The following LDB2 variants were observed in gnomAD, a reference collection of about 807,000 sequenced individuals.
LDB2 encodes LIM domain binding 2.
A neutral mutation model predicts 44.3 loss-of-function variants in LDB2; 12 were observed. The ratio of observed to expected loss-of-function variants is 0.27; its 90% CI spans 0.17 to 0.44. The LOEUF is 0.44. Ranked by LOEUF, LDB2 falls within the 20% of genes least tolerant of loss-of-function variation. The pLI is 1.00. For synonymous variants in LDB2, 164 were observed against 174.8 expected, an observed-to-expected ratio of 0.94 and a Z score of 0.49; for missense variants, 344 against 473.5, an observed-to-expected ratio of 0.73 and a Z score of 2.54.
chr4:16,737,652 G>A (rs756341877), intron 2 of LDB2, among the ~76,000 whole-genome samples: 1 of 152,120 alleles, frequency 6.6e-6, no homozygotes, highest in Non-Finnish European at 1.5e-5. Flanking sequence ...CAAAAAGGTG[G>A]TTGTTATATA....
At chr4:16,588,029 A>C (rs950393415) in intron 4 of LDB2, among the ~76,000 whole-genome samples, 2 of 152,180 alleles carry the variant, frequency 1.3e-5, no homozygotes, top group African/African-American at 4.8e-5. Context: ...TGGAAGCATC[A>C]TGTATTATAG....
Position 16,681,077 on chromosome 4 carries a change from C to T in LDB2, c.235+78081G>A, listed in dbSNP as rs147862007. On this transcript the variant is annotated intron_variant, in intron 2 of 7. Transcript: ENST00000304523. ...GATTTTACAGATGTAAATGAAATCC[C>T]AAATCAGCAGTCCTCAAAATATGGA... is the stretch of plus-strand genomic sequence containing the variant. Among the ~76,000 whole-genome samples the T allele has an allele frequency of 5.6e-4, 85 of 152,218 alleles. No homozygotes were observed. The East Asian group carries it at 0.016, about 28-fold the overall frequency.
chr4:16,858,598 G>C (rs1334205310), intron 1 of LDB2, among the ~76,000 whole-genome samples: 1 of 152,174 alleles, frequency 6.6e-6, no homozygotes, highest in Non-Finnish European at 1.5e-5. Flanking sequence ...GCTGGCACCA[G>C]ACCCGGTCCT....
intron 1 of LDB2, among the ~76,000 whole-genome samples, chr4:16,837,024 C>T: frequency 1.3e-5 from 2 of 152,256 alleles, no homozygotes; most frequent in Middle Eastern, 6.8e-3. Flanking sequence ...CTTCTGTTCC[C>T]AAAATGGTTG....
intron 2 of LDB2, among the ~76,000 whole-genome samples, chr4:16,747,731 C>T (rs1764675553): frequency 6.6e-6 from 1 of 152,026 alleles, no homozygotes; most frequent in African/African-American, 2.4e-5. Context: ...TTATCCTTTA[C>T]CTGAGAACCA....
chr4:16,819,977 CAG>C lies in LDB2; in HGVS notation c.133-60719_133-60718del, dbSNP rs1196901114. ...TTCTCCTCTCAAATCTAAAATAATG[CAG>C]ACTCTTTCCTGTGTAGTCAGCCAAC... On this transcript the variant is annotated intron_variant, in intron 1 of 7. Coordinates refer to ENST00000304523, the MANE Select transcript of LDB2 (RefSeq NM_001290.5). 3.3e-5 allele frequency among the ~76,000 whole-genome samples: 5 copies of C among 152,276 alleles called. No individual in the cohort carries two copies. The East Asian group carries it at 9.6e-4, about 29-fold the overall frequency.
At chr4:16,849,531 C>G (rs1390664063) in intron 1 of LDB2, among the ~76,000 whole-genome samples, 1 of 152,154 alleles carries the variant, frequency 6.6e-6, no homozygotes, top group Non-Finnish European at 1.5e-5. Flanking sequence ...AAGGCAATGT[C>G]TAAAGGGCCT....
At chr4:16,688,137 G>A (rs1190997364) in intron 2 of LDB2, among the ~76,000 whole-genome samples, 1 of 152,204 alleles carries the variant, frequency 6.6e-6, no homozygotes, top group Non-Finnish European at 1.5e-5. Context: ...TGAAAAACCT[G>A]TTGGACCTTA....
intron 2 of LDB2, among the ~76,000 whole-genome samples, chr4:16,670,561 A>G (rs1279789585): frequency 6.6e-6 from 1 of 152,232 alleles, no homozygotes; most frequent in Non-Finnish European, 1.5e-5. Context: ...AGAACTAGTT[A>G]TTAAATAAAT....
chr4:16,735,334 G>T (rs189308152), intron 2 of LDB2, among the ~76,000 whole-genome samples: 1 of 152,112 alleles, frequency 6.6e-6, no homozygotes, highest in East Asian at 1.9e-4. Context: ...CCCTGGGGCA[G>T]GCTGCGTTCT....
chr4:16,586,252 G>A (rs1393614044), intron 4 of LDB2, among the ~76,000 whole-genome samples: 1 of 152,108 alleles, frequency 6.6e-6, no homozygotes, highest in Non-Finnish European at 1.5e-5. Context: ...TCAGTCCTTG[G>A]GAGAAATGAT....
At chr4:16,856,785 G>A (rs1239046991) in intron 1 of LDB2, among the ~76,000 whole-genome samples, 2 of 152,070 alleles carry the variant, frequency 1.3e-5, no homozygotes, top group African/African-American at 4.8e-5. Context: ...AATACTATTG[G>A]TTTCTTTATT....
chr4:16,745,439 C>G (rs1216410114), intron 2 of LDB2, among the ~76,000 whole-genome samples: 1 of 152,174 alleles, frequency 6.6e-6, no homozygotes, highest in Non-Finnish European at 1.5e-5. Context: ...TGCGAATAAG[C>G]ATAAATCTTC....
At chr4:16,742,809 T>G (rs1289982258) in intron 2 of LDB2, among the ~76,000 whole-genome samples, 2 of 152,172 alleles carry the variant, frequency 1.3e-5, no homozygotes, top group African/African-American at 4.8e-5. Context: ...CATTCACCAT[T>G]TTCCCGAAAT....
intron 2 of LDB2, among the ~76,000 whole-genome samples, chr4:16,633,475 C>T (rs1234727739): frequency 6.6e-6 from 1 of 152,008 alleles, no homozygotes; most frequent in African/African-American, 2.4e-5. Context: ...CAATAACAGA[C>T]AAACAGAGCC....
chr4:16,665,129 T>A (rs538752552), intron 2 of LDB2, among the ~76,000 whole-genome samples: 2 of 151,916 alleles, frequency 1.3e-5, no homozygotes, highest in East Asian at 3.9e-4. Flanking sequence ...CAGAAAAGAG[T>A]AAAAAGAACA....
chr4:16,672,331 A>G (rs1015446242), intron 2 of LDB2, among the ~76,000 whole-genome samples: 2 of 152,180 alleles, frequency 1.3e-5, no homozygotes, highest in Non-Finnish European at 2.9e-5. Flanking sequence ...AGATGTCTCC[A>G]ATACCCACAT....
At chr4:16,834,894 G>A (rs16894064) in intron 1 of LDB2, among the ~76,000 whole-genome samples, 2,780 of 151,526 alleles carry the variant, frequency 0.018, 94 homozygotes, top group African/African-American at 0.065. Flanking sequence ...TGTACTCCCA[G>A]CATCCATTTA....
chr4:16,768,458 T>A (rs1579485665), intron 1 of LDB2, among the ~76,000 whole-genome samples: 1 of 152,188 alleles, frequency 6.6e-6, no homozygotes, highest in African/African-American at 2.4e-5. Flanking sequence ...AGGATAAATT[T>A]GCCTGAAATG....
Sources: allele counts gnomAD v4.1 joint callset (sites outside exome capture counted in the v4.1 genomes callset), GRCh38; gene constraint gnomAD v4.1.1; transcripts MANE v1.5; gene names NCBI Gene and HGNC (gene_info 2026-07-23, HGNC 2026-07-21).